The following RERE variants were observed in gnomAD, a reference collection of about 807,000 sequenced individuals.
RERE encodes the protein arginine-glutamic acid dipeptide repeats.
RERE carries 40 observed loss-of-function variants against 146.1 expected under a neutral mutation model. The ratio of observed to expected loss-of-function variants is 0.27; its 90% CI spans 0.21 to 0.36. The LOEUF (loss-of-function observed/expected upper bound fraction) is 0.36, where lower values mean the gene tolerates loss of function less well. RERE is among the 10% of genes least tolerant of loss of function. RERE has a pLI of 1.00. For missense variants in RERE, 1,933 were observed against 2,138.7 expected (o/e 0.90, Z 1.90); for synonymous variants, 1,003 against 866.0 (o/e 1.16, Z -2.78).
intron 7 of RERE, among the ~76,000 whole-genome samples, chr1:8,528,412 T>C (rs1282510625): frequency 1.9e-5 from 2 of 107,118 alleles, no homozygotes; most frequent in African/African-American, 5.6e-5. Context: ...TATATCATAT[T>C]GTATTAATGT....
chr1:8,673,917 C>T (rs1638777321), intron 1 of RERE, among the ~76,000 whole-genome samples: 1 of 152,084 alleles, frequency 6.6e-6, no homozygotes, highest in African/African-American at 2.4e-5. Context: ...CTTATAATCC[C>T]AGCTACTCTA....
rs538589546 is a variant in RERE at position 8,746,259 on chromosome 1, T to C, written c.-145+70901A>G. Among the ~76,000 whole-genome samples the C allele has an allele frequency of 6.6e-5, 10 of 152,326 alleles. 1 individual carries two copies. In the East Asian group the frequency reaches 9.6e-4, roughly 15 times the overall value. On this transcript the variant is annotated intron_variant, in intron 1 of 22. Transcript: ENST00000400908. ...AATCATAGTCTGATGATAGCTTTTG[T>C]CTGTTTAACAAAGCACCCTCCTTAC...
intron 2 of RERE, among the ~76,000 whole-genome samples, chr1:8,626,719 C>T (rs1474557918): frequency 6.6e-6 from 1 of 152,190 alleles, no homozygotes; most frequent in Non-Finnish European, 1.5e-5. Context: ...CTGTGATAAG[C>T]TCTCCTGCCC....
At chr1:8,698,530 T>C (rs1160434575) in intron 1 of RERE, among the ~76,000 whole-genome samples, 1 of 152,200 alleles carries the variant, frequency 6.6e-6, no homozygotes, top group African/African-American at 2.4e-5. Flanking sequence ...CAGTCACATA[T>C]AAATGGACCC....
chr1:8,709,903 T>C (rs937152003), intron 1 of RERE, among the ~76,000 whole-genome samples: 3 of 152,244 alleles, frequency 2.0e-5, no homozygotes, highest in Non-Finnish European at 4.4e-5. Flanking sequence ...TTACCAGCAG[T>C]GGGTCCTGGT....
intron 1 of RERE, among the ~76,000 whole-genome samples, chr1:8,664,087 A>G (rs1638517337): frequency 6.6e-6 from 1 of 152,112 alleles, no homozygotes; most frequent in African/African-American, 2.4e-5. Flanking sequence ...AAAGTCCACA[A>G]AGGCAAGGAC....
chr1:8,410,972 C>G (rs1643598821), intron 12 of RERE, among the ~76,000 whole-genome samples: 1 of 152,170 alleles, frequency 6.6e-6, no homozygotes, highest in Non-Finnish European at 1.5e-5. Flanking sequence ...TTCACACTAT[C>G]TAGTTAAACA....
Position 8,357,972 on chromosome 1 carries a change from C to T in RERE, c.4339+224G>A, listed in dbSNP as rs187093891. Reference sequence around the variant, plus strand: ...GAACCCAGGCTTCACCCGTGTGCTGCAGCTGTCTGAGGCCTTGCAGTTCTG... The same window carrying T: ...GAACCCAGGCTTCACCCGTGTGCTGTAGCTGTCTGAGGCCTTGCAGTTCTG... On this transcript the variant is annotated intron_variant, in intron 20 of 22. Coordinates refer to ENST00000400908, the MANE Select transcript of RERE (RefSeq NM_001042681.2). Among the ~76,000 whole-genome samples the T allele has an allele frequency of 1.0e-3, 159 of 152,376 alleles. 1 individual carries two copies. The highest frequency in any genetic ancestry group is 3.7e-3 in the African/African-American group (155 of 41,600).
At chr1:8,375,802 T>G (rs1204821532) in intron 12 of RERE, among the ~76,000 whole-genome samples, 1 of 151,056 alleles carries the variant, frequency 6.6e-6, no homozygotes, top group African/African-American at 2.5e-5. Context: ...GCTTCCTCAC[T>G]CAGCAGCCAC....
chr1:8,808,814 G>A (rs1641737379), intron 1 of RERE, among the ~76,000 whole-genome samples: 1 of 152,132 alleles, frequency 6.6e-6, no homozygotes, highest in Non-Finnish European at 1.5e-5. Flanking sequence ...TTCAAAATTT[G>A]AGGCTGGACC....
intron 11 of RERE, among the ~76,000 whole-genome samples, chr1:8,445,963 C>T (rs553651756): frequency 5.3e-5 from 8 of 152,102 alleles, no homozygotes; most frequent in East Asian, 1.9e-4. Context: ...ACAGTGTCGA[C>T]GGTCTTTACA....
intron 8 of RERE, among the ~76,000 whole-genome samples, chr1:8,503,186 T>C (rs1645204706): frequency 6.6e-6 from 1 of 152,164 alleles, no homozygotes; most frequent in Non-Finnish European, 1.5e-5. Flanking sequence ...ATGGCACATA[T>C]TCAATTTTGC....
intron 6 of RERE, among the ~76,000 whole-genome samples, chr1:8,547,498 T>C (rs988970623): frequency 2.0e-5 from 3 of 152,138 alleles, no homozygotes; most frequent in Admixed American, 6.5e-5. Flanking sequence ...AGAAAAATAT[T>C]TGCAACAATT....
At chr1:8,503,088 AAAT>A (rs562760680) in intron 8 of RERE, among the ~76,000 whole-genome samples, 769 of 59,174 alleles carry the variant, frequency 0.013, 11 homozygotes, top group African/African-American at 0.042. Context: ...GATCAATTAA[AAAT>A]AAATAAATAA....
Position 8,612,756 on chromosome 1 carries a change from T to A in RERE, c.522+1805A>T, listed in dbSNP as rs1646807190. On this transcript the variant is annotated intron_variant, in intron 4 of 22. Coordinates refer to ENST00000400908, the MANE Select transcript of RERE (RefSeq NM_001042681.2). ...TTTAGATATATGTGGAAATAAGACA[T>A]ATCGGTAAATAAGACATATTGGTAA... Among the ~76,000 whole-genome samples, 3 of 152,278 alleles carry A rather than the reference T, an allele frequency of 2.0e-5. No homozygotes were observed. In the South Asian group the frequency reaches 6.2e-4, roughly 32 times the overall value.
intron 11 of RERE, among the ~76,000 whole-genome samples, chr1:8,464,388 C>T (rs1644567918): frequency 6.6e-6 from 1 of 152,256 alleles, no homozygotes; most frequent in African/African-American, 2.4e-5. Context: ...CTTCTTATCA[C>T]GACCACTGCT....
chr1:8,472,063 C>T lies in RERE; in HGVS notation c.1105-6040G>A, dbSNP rs542498530. 9.2e-4 allele frequency among the ~76,000 whole-genome samples: 140 copies of T among 152,228 alleles called. 2 individuals carry two copies. The highest frequency in any genetic ancestry group is 3.4e-3 in the Middle Eastern group (1 of 294). ...CTGACCTCAGGTGATCTGCCCACCT[C>T]GGCTTCCCAAAGTGTTGGGATTACA... is the stretch of plus-strand genomic sequence containing the variant. On this transcript the variant is annotated intron_variant, in intron 10 of 22. Transcript: ENST00000400908.
chr1:8,374,388 A>G (rs1423694073), intron 12 of RERE, among the ~76,000 whole-genome samples: 1 of 152,144 alleles, frequency 6.6e-6, no homozygotes, highest in African/African-American at 2.4e-5. Flanking sequence ...TTACCACTAC[A>G]TTTACCACTC....
At chr1:8,742,318 A>G (rs1224133595) in intron 1 of RERE, among the ~76,000 whole-genome samples, 1 of 152,168 alleles carries the variant, frequency 6.6e-6, no homozygotes, top group Non-Finnish European at 1.5e-5. Context: ...GACACTCCCA[A>G]AGGGAATATC....
Sources: gnomAD v4.1 joint callset for allele counts (sites outside exome capture counted in the v4.1 genomes callset) on GRCh38, gnomAD v4.1.1 for gene constraint, MANE v1.5 for transcripts, NCBI Gene and HGNC (gene_info 2026-07-23, HGNC 2026-07-21) for gene names.